Variants in EMCN observed in about 807,000 individuals in gnomAD.
EMCN encodes the protein MUC-14.
A neutral mutation model predicts 38.4 loss-of-function variants in EMCN; 37 were observed. That is an observed-to-expected ratio of 0.96 (90% CI 0.74 to 1.27). The LOEUF (loss-of-function observed/expected upper bound fraction) is 1.27. Among genes scored for constraint, EMCN ranks in the 50% most tolerant of loss-of-function variants. The pLI is 0.00. For synonymous variants in EMCN, 95 were observed against 100.8 expected (o/e 0.94, Z 0.35); for missense variants, 318 against 302.8 (o/e 1.05, Z -0.37).
chr4:100,425,483 G>A (rs1028892640), intron 5 of EMCN, among the ~76,000 whole-genome samples: 3 of 152,074 alleles, frequency 2.0e-5, no homozygotes, highest in African/African-American at 7.2e-5. Context: ...GGATAGCTGG[G>A]TACAAATCTG....
intron 2 of EMCN, among the ~76,000 whole-genome samples, chr4:100,477,999 G>T (rs1578220872): frequency 6.6e-6 from 1 of 152,244 alleles, no homozygotes; most frequent in African/African-American, 2.4e-5. Flanking sequence ...CTCTTTGGAA[G>T]ATGGGCATAT....
chr4:100,443,352 G>A (rs1375075680), intron 5 of EMCN, among the ~76,000 whole-genome samples: 2 of 152,194 alleles, frequency 1.3e-5, no homozygotes, highest in Admixed American at 1.3e-4. Flanking sequence ...TTGCATATGG[G>A]TCTGAGGCTG....
chr4:100,453,487 T>A (rs368042333), intron 4 of EMCN, among the ~76,000 whole-genome samples: 27 of 152,204 alleles, frequency 1.8e-4, no homozygotes, highest in South Asian at 1.7e-3. Context: ...ATCTCACACC[T>A]GTTAGAATGG....
intron 7 of EMCN, among the ~76,000 whole-genome samples, chr4:100,422,001 C>A (rs1170914211): frequency 6.6e-6 from 1 of 151,686 alleles, no homozygotes; most frequent in African/African-American, 2.4e-5. Context: ...AAGAGTATTG[C>A]CTGCCTTCCT....
At chr4:100,516,325 G>A (rs1341962939) in intron 1 of EMCN, among the ~76,000 whole-genome samples, 1 of 152,048 alleles carries the variant, frequency 6.6e-6, no homozygotes, top group Non-Finnish European at 1.5e-5. Context: ...TCGGAAGAAC[G>A]AATGATCTAT....
chr4:100,464,077 C>T (rs1174831820), intron 4 of EMCN, among the ~76,000 whole-genome samples: 1 of 151,824 alleles, frequency 6.6e-6, no homozygotes, highest in East Asian at 1.9e-4. Context: ...TATTTAATTT[C>T]TCACCAAAAT....
chr4:100,492,240 A>C (rs1420780031), intron 1 of EMCN, among the ~76,000 whole-genome samples: 1 of 152,182 alleles, frequency 6.6e-6, no homozygotes, highest in Non-Finnish European at 1.5e-5. Flanking sequence ...AACCAAATAG[A>C]AATCCTTGAG....
intron 2 of EMCN, among the ~76,000 whole-genome samples, chr4:100,475,658 CCTTTTTTTTTTTTTTTTTTT>C (rs1312744814): frequency 9.3e-6 from 1 of 108,092 alleles, no homozygotes; most frequent in East Asian, 2.8e-4. Context: ...CAATTCTAGT[CCTTTTTTTTTTTTTTTTTTT>C]TTTTTTTTTT....
intron 11 of EMCN, 109 bp downstream of exon 11, chr4:100,410,173 A>G: frequency 1.2e-6 from 1 of 818,514 alleles, no homozygotes; most frequent in Non-Finnish European, 2.0e-6. Context: ...CATTGACACA[A>G]ACCATTAGCT....
At chr4:100,462,921 A>T (rs536545862) in intron 4 of EMCN, among the ~76,000 whole-genome samples, 1 of 152,286 alleles carries the variant, frequency 6.6e-6, no homozygotes, top group South Asian at 2.1e-4. Flanking sequence ...TAGGTCTTGG[A>T]TAGCCACAAT....
At chr4:100,510,853 C>T (rs1729608553) in intron 1 of EMCN, among the ~76,000 whole-genome samples, 1 of 152,172 alleles carries the variant, frequency 6.6e-6, no homozygotes, top group Admixed American at 6.5e-5. Context: ...TTTCCTTCTT[C>T]TCCAAGTCCC....
chr4:100,431,892 C>G (rs974877503), intron 5 of EMCN, among the ~76,000 whole-genome samples: 1 of 151,984 alleles, frequency 6.6e-6, no homozygotes, highest in Admixed American at 6.6e-5. Flanking sequence ...TTGTTTTCCC[C>G]AGAAAATTAA....
chr4:100,428,308 G>A (rs959659090), intron 5 of EMCN, among the ~76,000 whole-genome samples: 10 of 152,032 alleles, frequency 6.6e-5, no homozygotes, highest in Non-Finnish European at 1.3e-4. Context: ...CATATTGGGT[G>A]ACTCACTTCC....
chr4:100,419,516 A>G (rs1278124459), intron 8 of EMCN, among the ~76,000 whole-genome samples: 1 of 152,128 alleles, frequency 6.6e-6, no homozygotes, highest in Non-Finnish European at 1.5e-5. Flanking sequence ...GCTTTAATAG[A>G]AAAGGTCAAC....
intron 4 of EMCN, among the ~76,000 whole-genome samples, chr4:100,464,872 A>G (rs570334909): frequency 6.6e-6 from 1 of 152,084 alleles, no homozygotes; most frequent in South Asian, 2.1e-4. Flanking sequence ...GTGTCAGGGT[A>G]ACATTAGCCT....
intron 3 of EMCN, among the ~76,000 whole-genome samples, chr4:100,473,385 T>TTTTTTTTTTTTTTTTTTTTTTTTA (rs1728546624): frequency 8.8e-6 from 1 of 114,060 alleles, no homozygotes; most frequent in Non-Finnish European, 1.8e-5. Context: ...TTTTTTTTTT[T>TTTTTTTTTTTTTTTTTTTTTTTTA]GTTTTTTTTT....
chr4:100,490,745 G>A (rs1209932379), intron 1 of EMCN, among the ~76,000 whole-genome samples: 3 of 152,126 alleles, frequency 2.0e-5, no homozygotes, highest in South Asian at 2.1e-4. Context: ...CTAACAAGAC[G>A]TTTCGTAGAA....
chr4:100,408,342 A>G (rs1440931651), intron 11 of EMCN, among the ~76,000 whole-genome samples: 1 of 152,110 alleles, frequency 6.6e-6, no homozygotes, highest in Non-Finnish European at 1.5e-5. Context: ...TTTCTCACCT[A>G]TGTGGACTGA....
At chr4:100,422,642 T>A (rs1217836471) in intron 7 of EMCN, among the ~76,000 whole-genome samples, 1 of 151,916 alleles carries the variant, frequency 6.6e-6, no homozygotes, top group African/African-American at 2.4e-5. Flanking sequence ...TACAACCTGA[T>A]AATTTGGAAA....
Sources: allele counts gnomAD v4.1 joint callset (sites outside exome capture counted in the v4.1 genomes callset), GRCh38; gene constraint gnomAD v4.1.1; transcripts MANE v1.5; gene names NCBI Gene and HGNC (gene_info 2026-07-23, HGNC 2026-07-21).